TRIM44: variants seen among roughly 807,000 people sequenced by gnomAD.
The protein encoded by TRIM44 is tripartite motif-containing protein 44.
In TRIM44, 13 loss-of-function variants were observed where a neutral mutation model predicts 37.4. That is an observed-to-expected ratio of 0.35 (90% CI 0.23 to 0.55). The LOEUF (loss-of-function observed/expected upper bound fraction) is 0.55, where lower values mean the gene tolerates loss of function less well. Among genes scored for constraint, TRIM44 ranks in the 20% least tolerant of loss-of-function variants. TRIM44 has a pLI of 0.89. For synonymous variants in TRIM44, 175 were observed against 157.2 expected (o/e 1.11, Z -0.85); for missense variants, 426 against 437.2 (o/e 0.97, Z 0.23).
At position 35,775,731 on chromosome 11, in the gene TRIM44, T is replaced by G. The variant is rs182155166; in HGVS notation, c.1008-30627T>G. Among the ~76,000 whole-genome samples, 543 of 152,176 alleles carry G rather than the reference T, an allele frequency of 3.6e-3. 3 individuals are homozygous for G. The highest frequency in any genetic ancestry group is 5.0e-3 in the Non-Finnish European group (338 of 67,988). Reference sequence around the variant, plus strand: ...TTTCTGCATCTATTGAGATAATCATTTGGTTTTTGTCTTTGGTGCTGTTTA... The same window carrying G: ...TTTCTGCATCTATTGAGATAATCATGTGGTTTTTGTCTTTGGTGCTGTTTA... On this transcript the variant is annotated intron_variant, in intron 4 of 4. Transcript: ENST00000299413.
intron 2 of TRIM44, among the ~76,000 whole-genome samples, chr11:35,717,190 A>G (rs1852048623): frequency 6.6e-6 from 1 of 152,206 alleles, no homozygotes; most frequent in Non-Finnish European, 1.5e-5. Context: ...CAAAGATGGA[A>G]TGAAATTGTT....
At chr11:35,728,949 A>C (rs1018595062) in intron 3 of TRIM44, among the ~76,000 whole-genome samples, 3 of 152,148 alleles carry the variant, frequency 2.0e-5, no homozygotes, top group African/African-American at 7.2e-5. Flanking sequence ...TGGAGTAAAC[A>C]CATTCTATTT....
intron 2 of TRIM44, among the ~76,000 whole-genome samples, chr11:35,707,492 A>G (rs768962268): frequency 6.6e-6 from 1 of 152,224 alleles, no homozygotes; most frequent in Non-Finnish European, 1.5e-5. Flanking sequence ...TGGAGGTGTC[A>G]TGCTACCTGA....
chr11:35,668,261 C>T (rs1022256538), intron 1 of TRIM44, among the ~76,000 whole-genome samples: 18 of 152,154 alleles, frequency 1.2e-4, no homozygotes, highest in African/African-American at 3.9e-4. Context: ...AGGTTTGTTA[C>T]ATAGGTAAAC....
intron 4 of TRIM44, among the ~76,000 whole-genome samples, chr11:35,736,957 T>G (rs1178703812): frequency 6.6e-6 from 1 of 152,180 alleles, no homozygotes; most frequent in Admixed American, 6.5e-5. Flanking sequence ...GCAGGCATAG[T>G]TCCTACTCTT....
chr11:35,736,344 T>C (rs1488811641), intron 4 of TRIM44, among the ~76,000 whole-genome samples: 1 of 152,206 alleles, frequency 6.6e-6, no homozygotes, highest in Non-Finnish European at 1.5e-5. Context: ...ACTTTCTCTA[T>C]TCTTCAAAAT....
intron 4 of TRIM44, among the ~76,000 whole-genome samples, chr11:35,746,152 C>T (rs1010197090): frequency 6.6e-6 from 1 of 152,202 alleles, no homozygotes; most frequent in African/African-American, 2.4e-5. Context: ...AGTCTAGCTG[C>T]AGCCTAATTC....
At chr11:35,745,214 A>G (rs1331410397) in intron 4 of TRIM44, among the ~76,000 whole-genome samples, 1 of 152,124 alleles carries the variant, frequency 6.6e-6, no homozygotes, top group East Asian at 1.9e-4. Flanking sequence ...CCTTGCCAGA[A>G]TCTGTTATTC....
At position 35,816,851 on chromosome 11, in the gene TRIM44, C is replaced by G. The variant is rs994337000; in HGVS notation, c.*10466C>G. ...TAGCTTCTGACTGTTGTGCTGGAGTCCTGTTAGAGATTCAGTAGATGGAGC... is the reference window on the plus strand; with the variant it reads ...TAGCTTCTGACTGTTGTGCTGGAGTGCTGTTAGAGATTCAGTAGATGGAGC... On this transcript the variant is annotated 3_prime_UTR_variant, in exon 5 of 5. Transcript: ENST00000299413. 1.3e-5 allele frequency: 2 copies of G among 152,254 alleles called. No homozygotes were observed. Among genetic ancestry groups the G allele is most frequent in the Non-Finnish European group, 2.9e-5 (2 of 68,098 alleles). 9.4% of individuals were successfully genotyped at this position (152,254 alleles called of 1,614,324 possible).
Position 35,807,933 on chromosome 11 carries a change from C to A in TRIM44, c.*1548C>A, listed in dbSNP as rs1853475534. On this transcript the variant is annotated 3_prime_UTR_variant, in exon 5 of 5. Coordinates refer to ENST00000299413, the MANE Select transcript of TRIM44 (RefSeq NM_017583.6). ...CAAAGGAGCCTGCACTGGGGGAAATCCCTTTTCCTGCCTGCCTGTCTGCCT... is the reference window on the plus strand; with the variant it reads ...CAAAGGAGCCTGCACTGGGGGAAATACCTTTTCCTGCCTGCCTGTCTGCCT... The A allele has an allele frequency of 6.6e-6, 1 of 152,150 alleles. No homozygotes were observed. 9.4% of individuals were successfully genotyped at this position (152,150 alleles called of 1,614,324 possible).
chr11:35,760,331 A>G (rs568793887), intron 4 of TRIM44, among the ~76,000 whole-genome samples: 54 of 152,324 alleles, frequency 3.5e-4, no homozygotes, highest in South Asian at 8.3e-4. Flanking sequence ...GCCATTTGCT[A>G]AGACCGTTGG....
At position 35,809,199 on chromosome 11, in the gene TRIM44, C is replaced by A. The variant is rs141767985; in HGVS notation, c.*2814C>A. 16 of 152,162 alleles carry A rather than the reference C, an allele frequency of 1.1e-4. No individual in the cohort carries two copies. The highest frequency in any genetic ancestry group is 7.2e-4 in the Admixed American group (11 of 15,266). 9.4% of individuals were successfully genotyped at this position (152,162 alleles called of 1,614,324 possible). On this transcript the variant is annotated 3_prime_UTR_variant, in exon 5 of 5. Transcript: ENST00000299413. ...ATTAAGGAACAACTATGAGCCAGGC[C>A]CTGAGCTGTCTCTTAGATAATAAAA...
At chr11:35,800,990 T>C (rs952874705) in intron 4 of TRIM44, among the ~76,000 whole-genome samples, 1 of 152,212 alleles carries the variant, frequency 6.6e-6, no homozygotes, top group Non-Finnish European at 1.5e-5. Flanking sequence ...CATTTTACTT[T>C]ATTTTGTAAA....
At chr11:35,730,530 A>C (rs949108773) in intron 3 of TRIM44, among the ~76,000 whole-genome samples, 1 of 152,342 alleles carries the variant, frequency 6.6e-6, no homozygotes, top group South Asian at 2.1e-4. Flanking sequence ...ATCCATAGCC[A>C]GACACATCAG....
intron 2 of TRIM44, among the ~76,000 whole-genome samples, chr11:35,717,939 A>G (rs1441972582): frequency 2.0e-5 from 3 of 152,174 alleles, no homozygotes; most frequent in Admixed American, 2.0e-4. Context: ...TCACTAATCC[A>G]GATTTGTCTC....
chr11:35,671,644 A>G (rs532113512), intron 1 of TRIM44, among the ~76,000 whole-genome samples: 3 of 152,368 alleles, frequency 2.0e-5, no homozygotes, highest in South Asian at 2.1e-4. Flanking sequence ...ACTTCAGAGT[A>G]GGCCAGAATG....
intron 4 of TRIM44, among the ~76,000 whole-genome samples, chr11:35,774,850 A>G (rs543051477): frequency 2.6e-5 from 4 of 152,190 alleles, no homozygotes; most frequent in Non-Finnish European, 2.9e-5. Flanking sequence ...TACCAGTACC[A>G]TGCTGTTTTG....
rs887676638 is a variant in TRIM44, at chr11:35,662,932, T to C, written c.-180T>C. 2.7e-6 allele frequency: 3 copies of C among 1,102,316 alleles called. No individual in the cohort carries two copies. The highest frequency in any genetic ancestry group is 3.3e-5 in the African/African-American group (2 of 60,662). The allele number at this position is 1,102,316 out of a possible 1,614,324, so 68.3% of individuals were successfully genotyped here. ...AGGCCGAGCCGGCGGAAAGGGTCTTTGCTGCTGCGCCCGGGCAGGGGCTGC... is the reference window on the plus strand; with the variant it reads ...AGGCCGAGCCGGCGGAAAGGGTCTTCGCTGCTGCGCCCGGGCAGGGGCTGC... On this transcript the variant is annotated 5_prime_UTR_variant, in exon 1 of 5. Coordinates refer to ENST00000299413, the MANE Select transcript of TRIM44 (RefSeq NM_017583.6).
intron 4 of TRIM44, among the ~76,000 whole-genome samples, chr11:35,794,260 A>G (rs1853253705): frequency 6.6e-6 from 1 of 152,122 alleles, no homozygotes; most frequent in Non-Finnish European, 1.5e-5. Context: ...TATCATCCTC[A>G]TCTCTCTCCC....
Sources: gnomAD v4.1 joint callset for allele counts (sites outside exome capture counted in the v4.1 genomes callset) on GRCh38, gnomAD v4.1.1 for gene constraint, MANE v1.5 for transcripts, NCBI Gene and HGNC (gene_info 2026-07-23, HGNC 2026-07-21) for gene names.